The following NALF1 variants were observed in gnomAD, a reference collection of about 807,000 sequenced individuals.
NALF1 encodes NALCN channel auxiliary factor 1.
A neutral mutation model predicts 48.4 loss-of-function variants in NALF1; 3 were observed. That is an observed-to-expected ratio of 0.06 (90% CI 0.03 to 0.16). The LOEUF (loss-of-function observed/expected upper bound fraction) is 0.16, where lower values mean the gene tolerates loss of function less well. Ranked by LOEUF, NALF1 falls within the 10% of genes least tolerant of loss-of-function variation. NALF1 has a pLI of 1.00. For synonymous variants in NALF1, 262 were observed against 245.7 expected, an observed-to-expected ratio of 1.07 and a Z score of -0.62; for missense variants, 526 against 571.5, an observed-to-expected ratio of 0.92 and a Z score of 0.81.
At chr13:107,175,675 G>A (rs929032804) in intron 2 of NALF1, among the ~76,000 whole-genome samples, 1 of 152,114 alleles carries the variant, frequency 6.6e-6, no homozygotes, top group African/African-American at 2.4e-5. Context: ...AGCCTTCTAA[G>A]GCCATTATTT....
chr13:107,843,346 G>A (rs911588898), intron 1 of NALF1, among the ~76,000 whole-genome samples: 2 of 152,178 alleles, frequency 1.3e-5, no homozygotes, highest in Non-Finnish European at 2.9e-5. Flanking sequence ...GATGAAGTTT[G>A]AGGCTAGACA....
At chr13:107,360,014 G>A (rs1414874485) in intron 1 of NALF1, among the ~76,000 whole-genome samples, 2 of 152,146 alleles carry the variant, frequency 1.3e-5, no homozygotes, top group East Asian at 1.9e-4. Flanking sequence ...AATAGGTTAT[G>A]CTATTGCAAA....
intron 1 of NALF1, among the ~76,000 whole-genome samples, chr13:107,641,688 T>C (rs1880161297): frequency 1.3e-5 from 2 of 152,130 alleles, no homozygotes; most frequent in South Asian, 2.1e-4. Context: ...TTGAATTGAA[T>C]AGTCGGAGTC....
At chr13:107,514,148 T>A (rs980910171) in intron 1 of NALF1, among the ~76,000 whole-genome samples, 2 of 152,192 alleles carry the variant, frequency 1.3e-5, no homozygotes, top group Non-Finnish European at 2.9e-5. Flanking sequence ...TTCAAAGACA[T>A]CTTTTTGAAA....
intron 1 of NALF1, among the ~76,000 whole-genome samples, chr13:107,372,765 GT>G (rs1259084040): frequency 1.3e-5 from 2 of 152,280 alleles, no homozygotes; most frequent in East Asian, 3.9e-4. Flanking sequence ...TGCTTGAAAA[GT>G]TGCAATAATG....
At chr13:107,618,449 T>C (rs1346783991) in intron 1 of NALF1, among the ~76,000 whole-genome samples, 2 of 152,194 alleles carry the variant, frequency 1.3e-5, no homozygotes, top group South Asian at 2.1e-4. Context: ...GAGTTTTCAA[T>C]AGAAGACTTA....
chr13:107,234,214 C>T (rs966616050), intron 1 of NALF1, among the ~76,000 whole-genome samples: 3 of 152,136 alleles, frequency 2.0e-5, no homozygotes, highest in Non-Finnish European at 2.9e-5. Context: ...CTCTGTCTTT[C>T]CTTCCTATAT....
Position 107,190,363 on chromosome 13 carries a change from A to G in NALF1, c.1088-19577T>C, listed in dbSNP as rs569585265. On this transcript the variant is annotated intron_variant, in intron 2 of 2. Transcript: ENST00000375915. ...ACAGAATGCATACAAAACTACCCCA[A>G]TGTCTGTGTACACTCACGCATACAC... Among the ~76,000 whole-genome samples the G allele has an allele frequency of 3.3e-5, 5 of 152,226 alleles. No individual in the cohort carries two copies. In the South Asian group the frequency reaches 1.0e-3, roughly 32 times the overall value.
chr13:107,300,558 C>A lies in NALF1; in HGVS notation c.916-89803G>T, dbSNP rs577803926. On this transcript the variant is annotated intron_variant, in intron 1 of 2. Coordinates refer to ENST00000375915, the MANE Select transcript of NALF1 (RefSeq NM_001080396.3). ...ATACTTGTTTATTTATTGCCATTTC[C>A]AAAGTATCCACACTTAGTTGGTTGT... 2.1e-4 allele frequency among the ~76,000 whole-genome samples: 32 copies of A among 152,178 alleles called. 1 individual carries two copies. In the South Asian group the frequency reaches 6.7e-3, roughly 32 times the overall value.
At chr13:107,253,796 C>T (rs539754506) in intron 1 of NALF1, among the ~76,000 whole-genome samples, 1 of 152,262 alleles carries the variant, frequency 6.6e-6, no homozygotes. Flanking sequence ...ATCTGTTCCT[C>T]TCCCGGATCT....
chr13:107,728,815 C>T (rs1260200336), intron 1 of NALF1, among the ~76,000 whole-genome samples: 1 of 152,124 alleles, frequency 6.6e-6, no homozygotes, highest in African/African-American at 2.4e-5. Context: ...ATGCTGTCTT[C>T]GTCAGAGGCT....
chr13:107,763,773 T>C (rs1351908365), intron 1 of NALF1, among the ~76,000 whole-genome samples: 1 of 152,138 alleles, frequency 6.6e-6, no homozygotes, highest in African/African-American at 2.4e-5. Context: ...AATTAATACA[T>C]CAATATTATA....
chr13:107,430,474 G>A (rs977918855), intron 1 of NALF1, among the ~76,000 whole-genome samples: 1 of 151,830 alleles, frequency 6.6e-6, no homozygotes, highest in Non-Finnish European at 1.5e-5. Flanking sequence ...AACAGTCCCT[G>A]GTGTGTGATG....
chr13:107,343,159 T>C (rs1341144688), intron 1 of NALF1, among the ~76,000 whole-genome samples: 2 of 152,206 alleles, frequency 1.3e-5, no homozygotes, highest in African/African-American at 4.8e-5. Context: ...TTTAAGAAGA[T>C]TGAAATCATA....
intron 1 of NALF1, among the ~76,000 whole-genome samples, chr13:107,258,678 G>A (rs1307420910): frequency 6.6e-6 from 1 of 152,132 alleles, no homozygotes; most frequent in African/African-American, 2.4e-5. Flanking sequence ...GACATTGCAC[G>A]AAGAGTACTG....
At chr13:107,492,285 G>A (rs1037228121) in intron 1 of NALF1, among the ~76,000 whole-genome samples, 4 of 151,896 alleles carry the variant, frequency 2.6e-5, no homozygotes, top group South Asian at 4.2e-4. Context: ...CTGACCTCAG[G>A]TGATCAGCCC....
intron 1 of NALF1, among the ~76,000 whole-genome samples, chr13:107,282,898 A>G (rs754297995): frequency 6.6e-6 from 1 of 152,180 alleles, no homozygotes; most frequent in Non-Finnish European, 1.5e-5. Flanking sequence ...TATGCCACTA[A>G]GTTTTGGGGG....
intron 1 of NALF1, among the ~76,000 whole-genome samples, chr13:107,812,344 A>G (rs374942022): frequency 2.6e-3 from 390 of 152,214 alleles, no homozygotes; most frequent in African/African-American, 8.9e-3. Context: ...TTAACTAATC[A>G]AAATAATACC....
chr13:107,838,343 C>T (rs940073828), intron 1 of NALF1, among the ~76,000 whole-genome samples: 12 of 152,132 alleles, frequency 7.9e-5, no homozygotes, highest in Admixed American at 2.6e-4. Flanking sequence ...TGAAATGCAC[C>T]GCTATGCATT....
Sources: allele counts gnomAD v4.1 joint callset (sites outside exome capture counted in the v4.1 genomes callset), GRCh38; gene constraint gnomAD v4.1.1; transcripts MANE v1.5; gene names NCBI Gene and HGNC (gene_info 2026-07-23, HGNC 2026-07-21).